Variants in TFCP2 observed in about 807,000 individuals in gnomAD.
TFCP2 encodes the protein alpha-globin transcription factor CP2.
Under a neutral mutation model 73.4 loss-of-function variants are expected in TFCP2, and 33 were observed. The ratio of observed to expected loss-of-function variants is 0.45; its 90% confidence interval spans 0.34 to 0.60. The LOEUF (loss-of-function observed/expected upper bound fraction) is 0.60. TFCP2 is among the 20% of genes least tolerant of loss of function. The pLI is 0.01. For synonymous variants in TFCP2, 193 were observed against 211.6 expected (o/e 0.91, Z 0.76); for missense variants, 352 against 604.0 (o/e 0.58, Z 4.37).
chr12:51,149,024 C>CAAAAAAAAAAAA (rs60318954), intron 1 of TFCP2, among the ~76,000 whole-genome samples: 1,329 of 37,862 alleles, frequency 0.035, 312 homozygotes, highest in East Asian at 0.11. Context: ...GACTCCATCT[C>CAAAAAAAAAAAA]AAAAAAAAAA....
chr12:51,163,703 C>A (rs765744899), intron 1 of TFCP2, among the ~76,000 whole-genome samples: 4 of 151,992 alleles, frequency 2.6e-5, no homozygotes, highest in Non-Finnish European at 5.9e-5. Context: ...GGGAGAATCG[C>A]TTGAGCCCAT....
At chr12:51,097,667 A>G (rs1939997975) in intron 13 of TFCP2, among the ~76,000 whole-genome samples, 1 of 152,158 alleles carries the variant, frequency 6.6e-6, no homozygotes, top group South Asian at 2.1e-4. Context: ...TAAAAACTTT[A>G]TTTCAAACAA....
intron 6 of TFCP2, among the ~76,000 whole-genome samples, chr12:51,108,898 T>C (rs937511537): frequency 6.6e-6 from 1 of 152,222 alleles, no homozygotes; most frequent in Non-Finnish European, 1.5e-5. Context: ...TGAGAATCCA[T>C]GTTCTTGCCT....
At chr12:51,138,258 C>T (rs1023043481) in intron 1 of TFCP2, among the ~76,000 whole-genome samples, 1 of 152,026 alleles carries the variant, frequency 6.6e-6, no homozygotes, top group Admixed American at 6.6e-5. Flanking sequence ...TCTCCCGCCT[C>T]GGCCTGTCGA....
intron 12 of TFCP2, 47 bp downstream of exon 12, chr12:51,099,608 T>C: frequency 6.2e-7 from 1 of 1,600,074 alleles, no homozygotes; most frequent in Non-Finnish European, 8.6e-7. Flanking sequence ...ATAAGTTATC[T>C]CTTCACCTTT....
At chr12:51,097,169 C>CA (rs1195172226) in intron 13 of TFCP2, among the ~76,000 whole-genome samples, 2 of 152,072 alleles carry the variant, frequency 1.3e-5, no homozygotes, top group African/African-American at 2.4e-5. Context: ...CTATGTTGGT[C>CA]AAACTCCTGA....
rs770009336 is a variant in TFCP2 at position 51,103,664 on chromosome 12, T to G, written c.1060+6A>C. ...TAGGGAAAACAAAAGAAAAAGAAAA[T>G]TTAACCTGAGAAGTTTGTGAAAAGC... On this transcript the variant is annotated splice_donor_region_variant and intron_variant, in intron 10 of 14. Coordinates refer to ENST00000257915, the MANE Select transcript of TFCP2 (RefSeq NM_005653.5). The G allele has an allele frequency of 6.2e-7, 1 of 1,609,546 alleles. No individual in the cohort carries two copies. The highest frequency in any genetic ancestry group is 8.5e-7 in the Non-Finnish European group (1 of 1,178,546).
At chr12:51,121,519 G>A (rs1192987065) in intron 1 of TFCP2, among the ~76,000 whole-genome samples, 2 of 145,804 alleles carry the variant, frequency 1.4e-5, no homozygotes, top group Non-Finnish European at 3.0e-5. Flanking sequence ...AGGCTTGAGT[G>A]CAGTGGCACG....
chr12:51,106,406 C>A (rs919243982), intron 8 of TFCP2, 119 bp downstream of exon 8: 4 of 686,076 alleles, frequency 5.8e-6, no homozygotes, highest in African/African-American at 3.7e-5. Context: ...TATATAAATC[C>A]ATCAAAGAAC....
intron 1 of TFCP2, among the ~76,000 whole-genome samples, chr12:51,119,899 A>C (rs1180503065): frequency 6.6e-6 from 1 of 151,090 alleles, no homozygotes; most frequent in Non-Finnish European, 1.5e-5. Context: ...AAAAGCAAAA[A>C]CTAGGCCAGG....
chr12:51,103,239 T>C (rs921411499), intron 10 of TFCP2, among the ~76,000 whole-genome samples: 2 of 151,916 alleles, frequency 1.3e-5, no homozygotes, highest in Non-Finnish European at 2.9e-5. Context: ...GCCGAGATCA[T>C]GCAACTGCAC....
intron 1 of TFCP2, among the ~76,000 whole-genome samples, chr12:51,144,314 G>A (rs1403889042): frequency 6.6e-6 from 1 of 152,148 alleles, no homozygotes; most frequent in Non-Finnish European, 1.5e-5. Flanking sequence ...GATTACAGGT[G>A]TGTGCCACTG....
intron 1 of TFCP2, among the ~76,000 whole-genome samples, chr12:51,128,971 TA>T (rs1317020890): frequency 6.6e-6 from 1 of 151,974 alleles, no homozygotes; most frequent in African/African-American, 2.4e-5. Context: ...TAAGGATAAA[TA>T]TAAAGTCATA....
chr12:51,095,510 T>C (rs917779568), intron 14 of TFCP2, among the ~76,000 whole-genome samples: 2 of 151,866 alleles, frequency 1.3e-5, no homozygotes, highest in South Asian at 2.1e-4. Context: ...TAATGGAAGA[T>C]GGAAGAGAAT....
At position 51,106,529 on chromosome 12, in the gene TFCP2, C is replaced by A. The variant is rs757733838; in HGVS notation, c.913G>T (p.Glu305Ter). ...NSSHSSFSLG[E>*]GNGSPNHQPE... is the part of the protein sequence containing the mutation. ...AATTTTATTTCCCAGACTTACCCTT[C>A]CCCAAGAGAAAAACTGCTATGGGAA... Residue 305 changes from glutamate to a stop codon, truncating the protein, a stop_gained, in exon 8 of 15, where the codon GAA (glutamate) becomes TAA (stop). Transcript: ENST00000257915. LOFTEE classifies it high-confidence loss of function. 2.5e-6 allele frequency: 4 copies of A among 1,611,410 alleles called. No individual in the cohort carries two copies. The South Asian group carries it at 4.4e-5, about 18-fold the overall frequency.
chr12:51,169,313 C>G (rs986026640), intron 1 of TFCP2, among the ~76,000 whole-genome samples: 15 of 151,786 alleles, frequency 9.9e-5, no homozygotes, highest in African/African-American at 3.6e-4. Flanking sequence ...CCAGCCTGGC[C>G]AATATGGTGA....
intron 6 of TFCP2, among the ~76,000 whole-genome samples, chr12:51,107,610 C>T (rs1048795932): frequency 6.6e-6 from 1 of 151,960 alleles, no homozygotes; most frequent in African/African-American, 2.4e-5. Context: ...CAAAACATTT[C>T]TTTCTTTTTT....
chr12:51,107,282 T>G lies in TFCP2; in HGVS notation c.782A>C (p.Glu261Ala). The change falls in exon 7 of 15, where the codon GAA (glutamate) becomes GCA (alanine). Residue 261 changes from glutamate to alanine, a missense_variant. Glu to Ala is a moderately radical substitution (Grantham distance 107). Coordinates refer to ENST00000257915, the MANE Select transcript of TFCP2 (RefSeq NM_005653.5). Reference sequence around the variant, plus strand: ...ATAGGAAGGCTGATATTTCTCCTTTTCATGAGGTGTTCGTTTCTCCATTTT... The same window carrying G: ...ATAGGAAGGCTGATATTTCTCCTTTGCATGAGGTGTTCGTTTCTCCATTTT... ...REKMEKRTPH[E>A]KEKYQPSYET... 6.2e-7 allele frequency: 1 copy of G among 1,613,382 alleles called. No individual in the cohort carries two copies. Among genetic ancestry groups the G allele is most frequent in the Non-Finnish European group, 8.5e-7 (1 of 1,179,888 alleles).
intron 13 of TFCP2, 140 bp from the exon 14 acceptor site, chr12:51,096,180 T>C (rs1179156418): frequency 3.1e-6 from 2 of 635,724 alleles, no homozygotes; most frequent in Non-Finnish European, 5.2e-6. Flanking sequence ...TTCTTGAATA[T>C]CTAGGATCAT....
Sources: allele counts gnomAD v4.1 joint callset (sites outside exome capture counted in the v4.1 genomes callset), GRCh38; gene constraint gnomAD v4.1.1; transcripts MANE v1.5; gene names NCBI Gene and HGNC (gene_info 2026-07-23, HGNC 2026-07-21).